Variants in CTSS observed in about 807,000 individuals in gnomAD.
CTSS encodes the protein cathepsin S.
In CTSS, 15 loss-of-function variants were observed where a neutral mutation model predicts 39.9. That is an observed-to-expected ratio of 0.38 (90% CI 0.25 to 0.58). The LOEUF is 0.58. Ranked by LOEUF, CTSS falls within the 20% of genes least tolerant of loss-of-function variation. CTSS has a pLI of 0.70. For synonymous variants in CTSS, 126 were observed against 138.2 expected, an observed-to-expected ratio of 0.91 and a Z score of 0.62; for missense variants, 250 against 398.2, an observed-to-expected ratio of 0.63 and a Z score of 3.17.
chr1:150,756,388 A>G (rs1454305203), intron 3 of CTSS, among the ~76,000 whole-genome samples: 1 of 152,268 alleles, frequency 6.6e-6, no homozygotes, highest in Non-Finnish European at 1.5e-5. Context: ...AGTATAGTAT[A>G]GTAAATACAT....
At chr1:150,748,024 G>A (rs1349018338) in intron 6 of CTSS, 145 bp from the exon 7 acceptor site, 5 of 572,310 alleles carry the variant, frequency 8.7e-6, no homozygotes, top group African/African-American at 2.0e-5. Flanking sequence ...AGGCATGGTG[G>A]CTCATGCCTG....
intron 2 of CTSS, among the ~76,000 whole-genome samples, chr1:150,759,038 ATT>A (rs113057575): frequency 5.5e-5 from 4 of 72,266 alleles, no homozygotes; most frequent in Admixed American, 1.8e-4. Context: ...TTTTATTATT[ATT>A]TTTTTTTTTT....
chr1:150,758,500 A>T (rs1347836464), intron 2 of CTSS, among the ~76,000 whole-genome samples: 1 of 152,070 alleles, frequency 6.6e-6, no homozygotes, highest in African/African-American at 2.4e-5. Context: ...TTTTATGATA[A>T]ACATGAATTT....
At chr1:150,735,917 T>C (rs1337637318) in intron 7 of CTSS, among the ~76,000 whole-genome samples, 1 of 151,980 alleles carries the variant, frequency 6.6e-6, no homozygotes, top group Non-Finnish European at 1.5e-5. Context: ...CCACCACGCC[T>C]GGCTAATTTT....
chr1:150,758,053 ATTTT>A, intron 2 of CTSS, 73 bp from the exon 3 acceptor site: 1 of 1,183,786 alleles, frequency 8.4e-7, no homozygotes, highest in Admixed American at 2.4e-5. Flanking sequence ...GAAAATGGCA[ATTTT>A]TTTTTTTTTT....
chr1:150,747,682 GTGATCATAA>G, intron 7 of CTSS, 86 bp downstream of exon 7: 2 of 810,570 alleles, frequency 2.5e-6, no homozygotes, highest in Non-Finnish European at 4.2e-6. Flanking sequence ...TGTCAATATC[GTGATCATAA>G]TGATCATCAT....
Position 150,747,056 on chromosome 1 carries a change from T to C in CTSS, c.896+721A>G, listed in dbSNP as rs587716639. Among the ~76,000 whole-genome samples, 13 of 152,220 alleles carry C rather than the reference T, an allele frequency of 8.5e-5. No homozygotes were observed. In the South Asian group the frequency reaches 2.5e-3, roughly 29 times the overall value. The stretch of plus-strand genomic sequence containing the variant: ...GTACAGCAATAGTCCACACTAGAGA[T>C]GCCTGAACTAGAGCCGTAATAGAAG... On this transcript the variant is annotated intron_variant, in intron 7 of 7. Transcript: ENST00000368985.
chr1:150,763,797 C>T (rs1653310330), intron 2 of CTSS, among the ~76,000 whole-genome samples: 1 of 152,162 alleles, frequency 6.6e-6, no homozygotes, highest in Non-Finnish European at 1.5e-5. Flanking sequence ...AAGTGATAGT[C>T]AAGAAACAAT....
chr1:150,756,138 C>T (rs1374888851), intron 3 of CTSS, among the ~76,000 whole-genome samples: 3 of 151,938 alleles, frequency 2.0e-5, no homozygotes, highest in African/African-American at 7.3e-5. Context: ...AACTAAAATA[C>T]AAACACACAC....
chr1:150,760,730 G>T (rs1653236884), intron 2 of CTSS, among the ~76,000 whole-genome samples: 2 of 151,488 alleles, frequency 1.3e-5, no homozygotes, highest in South Asian at 4.2e-4. Context: ...AACAAAAATA[G>T]AAATTAGCCA....
chr1:150,754,325 G>C (rs1653070788), intron 4 of CTSS, among the ~76,000 whole-genome samples: 1 of 151,626 alleles, frequency 6.6e-6, no homozygotes, highest in Admixed American at 6.6e-5. Context: ...TGTTGGCCAA[G>C]CTGGTCTCGA....
In CTSS at chr1:150,764,756, C is replaced by A. The variant is rs1254478539; in HGVS notation, c.8G>T (p.Arg3Leu). The A allele has an allele frequency of 6.2e-7, 1 of 1,613,910 alleles. No homozygotes were observed. Among genetic ancestry groups the A allele is most frequent in the African/African-American group, 1.3e-5 (1 of 74,984 alleles). Residue 3 changes from arginine to leucine, a missense_variant, in exon 2 of 8, where the codon CGG (arginine) becomes CTG (leucine). By Grantham distance (102) the Arg-to-Leu change is moderately radical (BLOSUM62 -2). Transcript: ENST00000368985. The stretch of plus-strand genomic sequence containing the variant: ...GCACACCAAGAGCACACAAACCAGC[C>A]GTTTCATTCTGTGTAAGGAAAGGTA... MKRLVCVLLVCSS... is the reference protein window; with the variant it reads MKLLVCVLLVCSS...
chr1:150,764,411 T>C (rs191695299), intron 2 of CTSS, among the ~76,000 whole-genome samples: 2 of 152,190 alleles, frequency 1.3e-5, no homozygotes, highest in East Asian at 1.9e-4. Context: ...CTAATTTTTG[T>C]ATTTTTAGTA....
chr1:150,752,756 C>A (rs1653032397), intron 4 of CTSS, among the ~76,000 whole-genome samples: 1 of 152,156 alleles, frequency 6.6e-6, no homozygotes, highest in African/African-American at 2.4e-5. Flanking sequence ...CTTCTAAAAG[C>A]TGTTATTTTA....
intron 5 of CTSS, among the ~76,000 whole-genome samples, chr1:150,751,373 G>A (rs1427764209): frequency 4.6e-5 from 7 of 151,958 alleles, no homozygotes; most frequent in East Asian, 1.9e-4. Flanking sequence ...TCAGCCTCCC[G>A]AGTAGCTGGG....
chr1:150,733,130 A>G lies in CTSS; in HGVS notation c.912T>C (p.Phe304=), dbSNP rs201148660. The G allele has an allele frequency of 4.3e-6, 7 of 1,612,898 alleles. No homozygotes were observed. In the African/African-American group the frequency reaches 6.7e-5, roughly 15 times the overall value. ...WLVKNSWGHN[F]GEEGYIRMAR... ...CCATCCGAATATATCCTTCTTCACCAAAGTTGTGGCCCCAGCTTTAGAAAA... is the reference window on the plus strand; with the variant it reads ...CCATCCGAATATATCCTTCTTCACCGAAGTTGTGGCCCCAGCTTTAGAAAA... Residue 304 remains phenylalanine (F), a synonymous_variant, in exon 8 of 8, where the codon TTT becomes TTC. Coordinates refer to ENST00000368985, the MANE Select transcript of CTSS (RefSeq NM_004079.5).
Position 150,755,025 on chromosome 1 carries a change from C to A in CTSS, c.375G>T (p.Gly125=). 5 of 1,614,076 alleles carry A rather than the reference C, an allele frequency of 3.1e-6. No homozygotes were observed. The highest frequency in any genetic ancestry group is 4.2e-6 in the Non-Finnish European group (5 of 1,179,970). ...LPDSVDWREK[G]CVTEVKYQGS... ...CTTGATATTTCACTTCAGTAACACA[C>A]CCTTTCTCTCTCCAGTCCACAGAAT... The change falls in exon 4 of 8, where the codon GGG becomes GGT. Residue 125 remains glycine, a synonymous_variant. Coordinates refer to ENST00000368985, the MANE Select transcript of CTSS (RefSeq NM_004079.5).
intron 2 of CTSS, among the ~76,000 whole-genome samples, chr1:150,760,158 G>A (rs2101926422): frequency 6.6e-6 from 1 of 152,258 alleles, no homozygotes; most frequent in Middle Eastern, 3.4e-3. Flanking sequence ...ACCAGATAGT[G>A]GTGCTAATTG....
At chr1:150,736,637 C>T (rs1420368702) in intron 7 of CTSS, among the ~76,000 whole-genome samples, 2 of 152,114 alleles carry the variant, frequency 1.3e-5, no homozygotes, top group Admixed American at 6.6e-5. Context: ...CAAGGAATCC[C>T]AGACCCCATT....
Sources: gnomAD v4.1 joint callset for allele counts (sites outside exome capture counted in the v4.1 genomes callset) on GRCh38, gnomAD v4.1.1 for gene constraint, MANE v1.5 for transcripts, NCBI Gene and HGNC (gene_info 2026-07-23, HGNC 2026-07-21) for gene names.